TMEM87B: variants seen among roughly 807,000 people sequenced by gnomAD.
The protein encoded by TMEM87B is transmembrane protein 87B.
A neutral mutation model predicts 80.3 loss-of-function variants in TMEM87B; 83 were observed. The ratio of observed to expected loss-of-function variants is 1.03; its 90% confidence interval spans 0.87 to 1.24. The LOEUF (loss-of-function observed/expected upper bound fraction) is 1.24. TMEM87B is among the 50% of genes most tolerant of loss of function. TMEM87B has a pLI of 0.00. For missense variants in TMEM87B, 625 were observed against 674.4 expected, an observed-to-expected ratio of 0.93 and a Z score of 0.81; for synonymous variants, 219 against 230.5, an observed-to-expected ratio of 0.95 and a Z score of 0.45.
chr2:112,070,688 A>AC (rs1475200603), intron 4 of TMEM87B, among the ~76,000 whole-genome samples: 1 of 152,146 alleles, frequency 6.6e-6, no homozygotes, highest in African/African-American at 2.4e-5. Context: ...GAATTTTAAA[A>AC]TAGTTTTTTC....
At chr2:112,085,741 C>T (rs1330535647) in intron 8 of TMEM87B, among the ~76,000 whole-genome samples, 1 of 152,178 alleles carries the variant, frequency 6.6e-6, no homozygotes, top group Non-Finnish European at 1.5e-5. Flanking sequence ...CAGAGGGAAG[C>T]TCAGGGAGAC....
chr2:112,081,879 C>T (rs1357462296), intron 8 of TMEM87B, among the ~76,000 whole-genome samples: 3 of 152,148 alleles, frequency 2.0e-5, no homozygotes, highest in Non-Finnish European at 4.4e-5. Context: ...ATCTTCTTTT[C>T]TTTCTCCTTC....
intron 6 of TMEM87B, 57 bp from the exon 7 acceptor site, chr2:112,081,000 T>A: frequency 6.7e-7 from 1 of 1,498,508 alleles, no homozygotes; most frequent in South Asian, 1.2e-5. Flanking sequence ...GAAATGAACT[T>A]ACATTTAAAG....
intron 1 of TMEM87B, among the ~76,000 whole-genome samples, chr2:112,059,449 G>A (rs1053624166): frequency 1.9e-4 from 29 of 151,862 alleles, no homozygotes; most frequent in African/African-American, 6.8e-4. Flanking sequence ...AAATTTTTCA[G>A]GTTGACCACT....
chr2:112,057,341 A>G (rs1209325172), intron 1 of TMEM87B, among the ~76,000 whole-genome samples: 1 of 151,832 alleles, frequency 6.6e-6, no homozygotes, highest in African/African-American at 2.4e-5. Context: ...TGGCACAGTC[A>G]TATGGCTCAC....
At chr2:112,093,441 C>T (rs1329666161) in intron 11 of TMEM87B, among the ~76,000 whole-genome samples, 2 of 152,184 alleles carry the variant, frequency 1.3e-5, no homozygotes, top group Admixed American at 1.3e-4. Context: ...AGGAGCTTTG[C>T]ATGACAGGGC....
chr2:112,106,135 A>G (rs1341865285), intron 16 of TMEM87B, 60 bp downstream of exon 16: 1 of 1,045,128 alleles, frequency 9.6e-7, no homozygotes, highest in Non-Finnish European at 1.3e-6. Context: ...TACTTTAGAG[A>G]GCTATACGAG....
At chr2:112,101,271 C>G (rs767125099) in intron 15 of TMEM87B, among the ~76,000 whole-genome samples, 8 of 152,082 alleles carry the variant, frequency 5.3e-5, no homozygotes, top group Non-Finnish European at 1.0e-4. Flanking sequence ...TAGTAACATT[C>G]TTTTTCACCT....
At chr2:112,092,007 T>G (rs776322545) in intron 11 of TMEM87B, among the ~76,000 whole-genome samples, 9 of 152,196 alleles carry the variant, frequency 5.9e-5, no homozygotes, top group African/African-American at 2.4e-5. Flanking sequence ...ATGTGCCCCA[T>G]ACTGACGAGG....
Position 112,086,050 on chromosome 2 carries a change from G to A in TMEM87B, c.884G>A (p.Arg295Lys). The A allele has an allele frequency of 6.2e-7, 1 of 1,614,214 alleles. No individual in the cohort carries two copies. Among genetic ancestry groups the A allele is most frequent in the Non-Finnish European group, 8.5e-7 (1 of 1,180,034 alleles). ...IFAELISAIK[R>K]TLARLLVIIV... ...GCGGAGTTGATTTCTGCGATTAAGA[G>A]GACGTTGGCTCGCCTTCTCGTGATC... Residue 295 changes from arginine to lysine, a missense_variant, in exon 9 of 19, where the codon AGG (arginine) becomes AAG (lysine). By Grantham distance (26) the Arg-to-Lys change is conservative. Coordinates refer to ENST00000283206, the MANE Select transcript of TMEM87B (RefSeq NM_032824.3).
At chr2:112,102,027 C>T (rs893248051) in intron 15 of TMEM87B, among the ~76,000 whole-genome samples, 1 of 152,110 alleles carries the variant, frequency 6.6e-6, no homozygotes, top group Non-Finnish European at 1.5e-5. Context: ...TTAAAATCTT[C>T]CTATGAAGTA....
chr2:112,067,455 C>T (rs1433776892), intron 4 of TMEM87B, among the ~76,000 whole-genome samples: 3 of 152,048 alleles, frequency 2.0e-5, no homozygotes, highest in East Asian at 1.9e-4. Flanking sequence ...AAAAATTAGC[C>T]GGGTGTGGTG....
rs756784123 is a variant in TMEM87B, at chr2:112,077,236, T to C, written c.546T>C (p.Ile182=). ...AAAAAGATGGGTTTCATATCTTTAT[T>C]GTTTCTATTAAAACGGAGAATACAG... ...RTQKDGFHIF[I]VSIKTENTDA... Residue 182 remains isoleucine, a synonymous_variant, in exon 6 of 19, where the codon ATT becomes ATC. Transcript: ENST00000283206. The C allele has an allele frequency of 5.6e-6, 9 of 1,599,092 alleles. No individual in the cohort carries two copies. In the East Asian group the frequency reaches 1.8e-4, roughly 32 times the overall value.
At chr2:112,087,508 T>G (rs1440659524) in intron 9 of TMEM87B, among the ~76,000 whole-genome samples, 1 of 152,020 alleles carries the variant, frequency 6.6e-6, no homozygotes, top group African/African-American at 2.4e-5. Flanking sequence ...ACCCTGTCAT[T>G]TCCCCCACAT....
intron 6 of TMEM87B, among the ~76,000 whole-genome samples, chr2:112,080,079 G>A (rs71414622): frequency 0.15 from 22,298 of 150,192 alleles, 2,589 homozygotes; most frequent in East Asian, 0.7. Flanking sequence ...ATAGGTGCAC[G>A]CCACCCCACC....
At chr2:112,107,727 GT>G in intron 16 of TMEM87B, 60 bp from the exon 17 acceptor site, 1 of 938,390 alleles carries the variant, frequency 1.1e-6, no homozygotes, top group African/African-American at 1.7e-5. Flanking sequence ...TATATATTCT[GT>G]TTTAAAAATT....
At chr2:112,057,520 C>T (rs1295430666) in intron 1 of TMEM87B, among the ~76,000 whole-genome samples, 2 of 152,236 alleles carry the variant, frequency 1.3e-5, no homozygotes, top group Admixed American at 6.5e-5. Context: ...AAGCCATCCT[C>T]CTGCCTCAGC....
chr2:112,075,389 G>C (rs1195053561), intron 5 of TMEM87B, among the ~76,000 whole-genome samples: 1 of 152,142 alleles, frequency 6.6e-6, no homozygotes, highest in African/African-American at 2.4e-5. Context: ...GACAGAGCAA[G>C]ACTCTGCCTC....
intron 8 of TMEM87B, 93 bp from the exon 9 acceptor site, chr2:112,085,912 A>G (rs973244861): frequency 7.4e-6 from 7 of 948,656 alleles, no homozygotes; most frequent in Non-Finnish European, 9.4e-6. Context: ...TGAAGTTCGA[A>G]TGTAGTTATA....
Sources: gnomAD v4.1 joint callset for allele counts (sites outside exome capture counted in the v4.1 genomes callset) on GRCh38, gnomAD v4.1.1 for gene constraint, MANE v1.5 for transcripts, NCBI Gene and HGNC (gene_info 2026-07-23, HGNC 2026-07-21) for gene names.